Variants in ADAMTS20 observed in about 807,000 individuals in gnomAD.
ADAMTS20 encodes the protein A disintegrin and metalloproteinase with thrombospondin motifs 20.
ADAMTS20 carries 225 observed loss-of-function variants against 260.1 expected under a neutral mutation model. The observed-to-expected ratio is 0.87, with a 90% CI of 0.78 to 0.97. ADAMTS20 has a LOEUF of 0.97. Ranked by LOEUF, ADAMTS20 falls within the 50% of genes least tolerant of loss-of-function variation. ADAMTS20 has a pLI of 0.00. For synonymous variants in ADAMTS20, 802 were observed against 769.5 expected (o/e 1.04, Z -0.70); for missense variants, 2,400 against 2,337.7 (o/e 1.03, Z -0.55).
intron 23 of ADAMTS20, among the ~76,000 whole-genome samples, 185 bp downstream of exon 23, chr12:43,430,167 A>C (rs1174378263): frequency 1.3e-5 from 2 of 152,060 alleles, no homozygotes; most frequent in African/African-American, 2.4e-5. Context: ...AAATTCATTG[A>C]TAAAGCTACA....
At chr12:43,415,875 C>T (rs768858500) in intron 28 of ADAMTS20, among the ~76,000 whole-genome samples, 2 of 152,122 alleles carry the variant, frequency 1.3e-5, no homozygotes, top group African/African-American at 4.8e-5. Flanking sequence ...CTATCTAATA[C>T]AAAATCTTGT....
Position 43,428,744 on chromosome 12 carries a change from G to GCAT in ADAMTS20, c.3542_3544dup (p.Asp1181dup). On this transcript the variant is annotated inframe_insertion, in exon 25 of 39. Coordinates refer to ENST00000389420, the MANE Select transcript of ADAMTS20 (RefSeq NM_025003.5). ...TGATTCATCTGCTATTCTATCAAGAGCATCACGACAGCTTACATAGCGGGC... is the reference window on the plus strand; with the variant it reads ...TGATTCATCTGCTATTCTATCAAGAGCATCATCACGACAGCTTACATAGCGGGC... 1 of 1,611,720 alleles carries GCAT rather than the reference G, an allele frequency of 6.2e-7. No individual in the cohort carries two copies. The highest frequency in any genetic ancestry group is 1.1e-5 in the South Asian group (1 of 90,894).
chr12:43,488,119 C>G (rs1942550380), intron 7 of ADAMTS20, among the ~76,000 whole-genome samples: 1 of 151,950 alleles, frequency 6.6e-6, no homozygotes, highest in South Asian at 2.1e-4. Context: ...TCAGGTACAA[C>G]TGATTTTTTA....
At chr12:43,449,670 C>T (rs1195001754) in intron 14 of ADAMTS20, among the ~76,000 whole-genome samples, 1 of 152,026 alleles carries the variant, frequency 6.6e-6, no homozygotes, top group Non-Finnish European at 1.5e-5. Flanking sequence ...CAACTATAAG[C>T]ATGGTGCTTT....
Position 43,409,601 on chromosome 12 carries a change from CAAAAAAAAAAA to C in ADAMTS20, c.4285-10379_4285-10369del, listed in dbSNP as rs67474640. Reference sequence around the variant, plus strand: ...TGGGCGACAGAGCGAGACTCCGTCTCAAAAAAAAAAAAAAAAAAAAAAAAAAAAACAAGAAA... The same window carrying C: ...TGGGCGACAGAGCGAGACTCCGTCTCAAAAAAAAAAAAAAAAAACAAGAAA... On this transcript the variant is annotated intron_variant, in intron 28 of 38. Transcript: ENST00000389420. Among the ~76,000 whole-genome samples, 41 of 46,910 alleles carry C rather than the reference CAAAAAAAAAAA, an allele frequency of 8.7e-4. 1 individual carries two copies. The Admixed American group carries it at 9.0e-3, about 10-fold the overall frequency. 30.8% of individuals were successfully genotyped at this position (46,910 alleles called of 152,430 possible).
intron 35 of ADAMTS20, 54 bp downstream of exon 35, chr12:43,376,003 A>G (rs1020051002): frequency 6.7e-6 from 9 of 1,336,344 alleles, no homozygotes; most frequent in Non-Finnish European, 9.3e-6. Flanking sequence ...TAGAAGTTCC[A>G]ATTCTCTTGG....
intron 3 of ADAMTS20, 145 bp from the exon 4 acceptor site, chr12:43,502,550 T>A: frequency 2.5e-6 from 2 of 807,350 alleles, no homozygotes; most frequent in Non-Finnish European, 3.7e-6. Flanking sequence ...AATTGTTATT[T>A]AAAATAGTAT....
chr12:43,353,404 GAATA>G (rs1939675044), downstream of ADAMTS20, among the ~76,000 whole-genome samples: 1 of 151,568 alleles, frequency 6.6e-6, no homozygotes. Context: ...GATTTTTAAA[GAATA>G]TATATACACA....
At chr12:43,490,896 T>C (rs1296531647) in intron 6 of ADAMTS20, among the ~76,000 whole-genome samples, 1 of 152,094 alleles carries the variant, frequency 6.6e-6, no homozygotes, top group African/African-American at 2.4e-5. Context: ...TCCTTTCTTA[T>C]CACCTCTTTC....
chr12:43,389,170 C>G (rs1297142354), intron 29 of ADAMTS20, among the ~76,000 whole-genome samples: 4 of 152,152 alleles, frequency 2.6e-5, no homozygotes, highest in Non-Finnish European at 5.9e-5. Flanking sequence ...ATTCAAAAGT[C>G]TATAAAGTCC....
chr12:43,524,016 C>T (rs1292765700), intron 3 of ADAMTS20, among the ~76,000 whole-genome samples: 3 of 151,610 alleles, frequency 2.0e-5, no homozygotes, highest in Admixed American at 1.3e-4. Flanking sequence ...AGCTGGTGCT[C>T]TTCTTCAAGC....
chr12:43,469,214 G>C (rs1236759109), intron 7 of ADAMTS20, among the ~76,000 whole-genome samples: 1 of 151,878 alleles, frequency 6.6e-6, no homozygotes, highest in Non-Finnish European at 1.5e-5. Flanking sequence ...ATAATGTCTG[G>C]CATTTAATAT....
At chr12:43,411,050 AT>A (rs1941021714) in intron 28 of ADAMTS20, among the ~76,000 whole-genome samples, 1 of 152,230 alleles carries the variant, frequency 6.6e-6, no homozygotes, top group South Asian at 2.1e-4. Flanking sequence ...TATCTTAAAA[AT>A]ATTTCAAGAA....
intron 16 of ADAMTS20, among the ~76,000 whole-genome samples, chr12:43,442,702 A>G (rs1183220225): frequency 6.6e-6 from 1 of 152,258 alleles, no homozygotes; most frequent in East Asian, 1.9e-4. Context: ...TACTGAAGCA[A>G]TATTTTTAGC....
intron 28 of ADAMTS20, among the ~76,000 whole-genome samples, chr12:43,409,628 A>AAAAAAC (rs1940994048): frequency 7.1e-6 from 1 of 141,838 alleles, no homozygotes; most frequent in African/African-American, 2.6e-5. Context: ...AAAAAAAAAA[A>AAAAAAC]AACAAGAAAA....
rs557926955 is a variant in ADAMTS20, at chr12:43,376,004, A to G, written c.5312+53T>C. Reference sequence around the variant, plus strand: ...ATCACTCTGAGGGCTAGAAGTTCCAATTCTCTTGGAGGACCATGAAAATGC... The same window carrying G: ...ATCACTCTGAGGGCTAGAAGTTCCAGTTCTCTTGGAGGACCATGAAAATGC... On this transcript the variant is annotated intron_variant, in intron 35 of 38. Transcript: ENST00000389420. 31 of 1,351,210 alleles carry G rather than the reference A, an allele frequency of 2.3e-5. No individual in the cohort carries two copies. In the East Asian group the frequency reaches 2.4e-4, roughly 10 times the overall value. 83.7% of individuals were successfully genotyped at this position (1,351,210 alleles called of 1,614,324 possible). A position where few individuals can be genotyped will look rare whatever the true frequency, so the allele number is the denominator to read the frequency against.
intron 3 of ADAMTS20, among the ~76,000 whole-genome samples, chr12:43,515,759 C>A (rs1324208977): frequency 6.6e-6 from 1 of 152,128 alleles, no homozygotes; most frequent in Non-Finnish European, 1.5e-5. Context: ...GTTTTATTCA[C>A]ATGGCTTTTG....
At chr12:43,452,201 G>T in intron 14 of ADAMTS20, 73 bp downstream of exon 14, 1 of 1,422,906 alleles carries the variant, frequency 7.0e-7, no homozygotes. Context: ...AGTAATATTT[G>T]GTTATATAAA....
intron 36 of ADAMTS20, among the ~76,000 whole-genome samples, chr12:43,372,263 G>C (rs532088811): frequency 1.1e-3 from 166 of 152,276 alleles, no homozygotes; most frequent in African/African-American, 3.5e-3. Context: ...TTGCCAAGTC[G>C]AGAAACAGTG....
Sources: allele counts gnomAD v4.1 joint callset (sites outside exome capture counted in the v4.1 genomes callset), GRCh38; gene constraint gnomAD v4.1.1; transcripts MANE v1.5; gene names NCBI Gene and HGNC (gene_info 2026-07-23, HGNC 2026-07-21).